The following LRP8 variants were observed in gnomAD, a reference collection of about 807,000 sequenced individuals.
LRP8 encodes the protein LDL receptor related protein 8, also known as low-density lipoprotein receptor-related protein 8.
LRP8 carries 46 observed loss-of-function variants against 111.6 expected under a neutral mutation model. The ratio of observed to expected loss-of-function variants is 0.41; its 90% CI spans 0.33 to 0.53. The LOEUF (loss-of-function observed/expected upper bound fraction) is 0.53, where lower values mean the gene tolerates loss of function less well. Among genes scored for constraint, LRP8 ranks in the 20% least tolerant of loss-of-function variants. The pLI is 0.20. For missense variants in LRP8, 959 were observed against 1,297.4 expected (o/e 0.74, Z 4.01); for synonymous variants, 464 against 511.2 (o/e 0.91, Z 1.24).
At chr1:53,277,898 G>A (rs1646979825) in intron 4 of LRP8, among the ~76,000 whole-genome samples, 1 of 152,210 alleles carries the variant, frequency 6.6e-6, no homozygotes, top group Non-Finnish European at 1.5e-5. Context: ...GCCTGGTACA[G>A]AGCTCCCTGT....
intron 2 of LRP8, among the ~76,000 whole-genome samples, chr1:53,308,155 G>A (rs1012374961): frequency 5.3e-5 from 8 of 152,222 alleles, no homozygotes; most frequent in Admixed American, 3.9e-4. Context: ...AGGTGGGCTC[G>A]GGGCTGCACA....
In LRP8 at chr1:53,309,045, C is replaced by T. The variant is rs535966453; in HGVS notation, c.244+17828G>A. 6.1e-4 allele frequency among the ~76,000 whole-genome samples: 93 copies of T among 152,268 alleles called. 1 individual carries two copies. In the South Asian group the frequency reaches 0.011, roughly 18 times the overall value. On this transcript the variant is annotated intron_variant, in intron 2 of 18. Transcript: ENST00000306052. Reference sequence around the variant, plus strand: ...ATCCCAGCACTTTGGGAGGCTGAGACGGGCAGATCACCTGAGGTCAGGAGT... The same window carrying T: ...ATCCCAGCACTTTGGGAGGCTGAGATGGGCAGATCACCTGAGGTCAGGAGT...
intron 6 of LRP8, among the ~76,000 whole-genome samples, chr1:53,272,959 G>A (rs112922416): frequency 1.3e-5 from 2 of 152,208 alleles, no homozygotes; most frequent in Non-Finnish European, 2.9e-5. Context: ...GGCATGTGTA[G>A]GTGGGATGGC....
rs991478735 is a variant in LRP8, at chr1:53,266,832, C to T, written c.1253-185G>A. 5.1e-6 allele frequency: 3 copies of T among 588,242 alleles called. No individual in the cohort carries two copies. Among genetic ancestry groups the T allele is most frequent in the African/African-American group, 1.9e-5 (1 of 53,766 alleles). 36.4% of individuals were successfully genotyped at this position (588,242 alleles called of 1,614,324 possible). Reference sequence around the variant, plus strand: ...AGTACAGAAAGCAGAAGATGCAGAGCACCACGCATAGCAGGAAGATTCTTA... The same window carrying T: ...AGTACAGAAAGCAGAAGATGCAGAGTACCACGCATAGCAGGAAGATTCTTA... On this transcript the variant is annotated intron_variant, in intron 8 of 18. Coordinates refer to ENST00000306052, the MANE Select transcript of LRP8 (RefSeq NM_004631.5). The surrounding 1 kb of genome is among the most constrained non-coding windows in gnomAD (Gnocchi z 5.0).
At position 53,277,027 on chromosome 1, in the gene LRP8, A is replaced by G. The variant is rs749283967; in HGVS notation, c.548T>C (p.Val183Ala). The G allele has an allele frequency of 1.3e-6, 2 of 1,521,846 alleles. No homozygotes were observed. Among genetic ancestry groups the G allele is most frequent in the Non-Finnish European group, 1.8e-6 (2 of 1,139,516 alleles). 94.3% of individuals were successfully genotyped at this position (1,521,846 alleles called of 1,614,324 possible). Reference sequence around the variant, plus strand: ...GTCGTCGTCGCCGTCGCACACGAACACGGCGGCCAGGCACGAGCGGTTGCC... The same window carrying G: ...GTCGTCGTCGCCGTCGCACACGAACGCGGCGGCCAGGCACGAGCGGTTGCC... ...QCGNRSCLAAVFVCDGDDDCG... is the reference protein window; with the variant it reads ...QCGNRSCLAAAFVCDGDDDCG... The change falls in exon 5 of 19, where the codon GTG (valine) becomes GCG (alanine). Residue 183 changes from valine (V) to alanine (A), a missense_variant. By Grantham distance (64) the Val-to-Ala change is moderately conservative (BLOSUM62 0). Around this residue, in one of 3 missense-constraint regions of LRP8, gnomAD observed 819 missense variants for 1,097.6 expected, o/e 0.75. Transcript: ENST00000306052.
intron 8 of LRP8, among the ~76,000 whole-genome samples, chr1:53,270,221 T>A (rs1646718457): frequency 6.6e-6 from 1 of 152,074 alleles, no homozygotes; most frequent in Admixed American, 6.5e-5. Context: ...CTAGAAAATC[T>A]CACACCTAGA....
At position 53,280,635 on chromosome 1, in the gene LRP8, C is replaced by T. The variant is rs1449020689; in HGVS notation, c.448G>A (p.Gly150Arg). ...KCVPASWRCD[G>R]EKDCEGGADE... ...GCTCCACCCTCGCAGTCCTTCTCCC[C>T]GTCGCAGCGCCACGAGGCAGGTACA... Residue 150 changes from glycine to arginine, a missense_variant, in exon 4 of 19, where the codon GGG becomes AGG. Physicochemically the swap from Gly to Arg is moderately radical, Grantham distance 125. Around this residue, in one of 3 missense-constraint regions of LRP8, gnomAD observed 819 missense variants for 1,097.6 expected, o/e 0.75. Coordinates refer to ENST00000306052, the MANE Select transcript of LRP8 (RefSeq NM_004631.5). 1.7e-5 allele frequency: 27 copies of T among 1,613,390 alleles called. No individual in the cohort carries two copies. The highest frequency in any genetic ancestry group is 1.6e-4 in the Middle Eastern group (1 of 6,084).
chr1:53,274,087 C>T (rs1646843297), intron 6 of LRP8, among the ~76,000 whole-genome samples: 1 of 152,224 alleles, frequency 6.6e-6, no homozygotes, highest in South Asian at 2.1e-4. Flanking sequence ...AGCCTGGAAC[C>T]CACCCTGACA....
Position 53,275,569 on chromosome 1 carries a change from A to G in LRP8, c.1006+62T>C. 2 of 1,593,220 alleles carry G rather than the reference A, an allele frequency of 1.3e-6. No homozygotes were observed. The highest frequency in any genetic ancestry group is 1.7e-6 in the Non-Finnish European group (2 of 1,164,974). ...AACTCCTCCCAACTCTGCCCTCTGG[A>G]GAGTTACCAGAGCCTAGGGCATCCT... On this transcript the variant is annotated intron_variant, in intron 6 of 18. Transcript: ENST00000306052. The surrounding 1 kb of genome is among the most constrained non-coding windows in gnomAD (Gnocchi z 4.4).
Position 53,327,950 on chromosome 1 carries a change from C to G in LRP8, c.-38G>C. On this transcript the variant is annotated 5_prime_UTR_variant, in exon 1 of 19. Coordinates refer to ENST00000306052, the MANE Select transcript of LRP8 (RefSeq NM_004631.5). ...GCTCCGGCCGCCGCGCCCCGCGCTC[C>G]CCGCGCCGCCGCCGCCGCGTCTCAG... 5 of 1,100,514 alleles carry G rather than the reference C, an allele frequency of 4.5e-6. No individual in the cohort carries two copies. Among genetic ancestry groups the G allele is most frequent in the Non-Finnish European group, 5.5e-6 (5 of 906,612 alleles). The allele number at this position is 1,100,514 out of a possible 1,614,324, so 68.2% of individuals were successfully genotyped here.
intron 2 of LRP8, among the ~76,000 whole-genome samples, chr1:53,290,621 C>T (rs369439203): frequency 5.3e-5 from 8 of 152,300 alleles, no homozygotes; most frequent in South Asian, 4.1e-4. Context: ...ATCCCCAGCC[C>T]GGTTCTTTAC....
intron 2 of LRP8, among the ~76,000 whole-genome samples, chr1:53,300,833 G>A (rs1280266001): frequency 1.3e-5 from 2 of 152,212 alleles, no homozygotes; most frequent in African/African-American, 2.4e-5. Context: ...TGGGCCTCGG[G>A]AGCCCTGGCT....
intron 12 of LRP8, among the ~76,000 whole-genome samples, chr1:53,261,269 C>T (rs1446767090): frequency 6.6e-6 from 1 of 152,246 alleles, no homozygotes; most frequent in Non-Finnish European, 1.5e-5. Flanking sequence ...CATACACATA[C>T]TTTACATGTA....
At chr1:53,251,581 G>A (rs1645896964) in intron 16 of LRP8, among the ~76,000 whole-genome samples, 1 of 150,178 alleles carries the variant, frequency 6.7e-6, no homozygotes, top group South Asian at 2.1e-4. Context: ...TCCCAGTGGA[G>A]GCTGAATGAT....
intron 2 of LRP8, among the ~76,000 whole-genome samples, chr1:53,323,731 C>T (rs1283254322): frequency 6.6e-6 from 1 of 152,268 alleles, no homozygotes; most frequent in Non-Finnish European, 1.5e-5. Flanking sequence ...ACTTAGAAGG[C>T]CTCAGTTTGA....
chr1:53,277,217 C>G, intron 4 of LRP8, 139 bp from the exon 5 acceptor site: 1 of 1,262,216 alleles, frequency 7.9e-7, no homozygotes, highest in Admixed American at 4.0e-5. Flanking sequence ...GGTGGACGTG[C>G]AGTTAGGCAT....
chr1:53,250,693 A>C lies in LRP8; in HGVS notation c.2673T>G (p.Pro891=), dbSNP rs1157171503. Residue 891 remains proline (P), a synonymous_variant, in exon 17 of 19, where the codon CCT becomes CCG. Coordinates refer to ENST00000306052, the MANE Select transcript of LRP8 (RefSeq NM_004631.5). The surrounding 1 kb of genome is among the most constrained non-coding windows in gnomAD (Gnocchi z 4.6). The part of the protein sequence containing the change: ...GRTAQIGHVY[P]AAISSFDRPL... ...TCTCCCAGTGAGAAATACTTACTGC[A>C]GGATAGACATGGCCAATCTGAGCAG... The C allele has an allele frequency of 9.9e-6, 16 of 1,613,722 alleles. No individual in the cohort carries two copies. The East Asian group carries it at 3.6e-4, about 36-fold the overall frequency.
chr1:53,304,251 CTGTT>C (rs550618793), intron 2 of LRP8, among the ~76,000 whole-genome samples: 1 of 152,168 alleles, frequency 6.6e-6, no homozygotes, highest in Non-Finnish European at 1.5e-5. Flanking sequence ...CTGGATTAGA[CTGTT>C]TGTTTGCCCT....
intron 16 of LRP8, 39 bp downstream of exon 16, chr1:53,255,078 G>A (rs767298303): frequency 1.2e-6 from 2 of 1,605,640 alleles, no homozygotes; most frequent in Non-Finnish European, 1.7e-6. Flanking sequence ...CCTAAGCAGG[G>A]TCTCTCTTTT....
Sources: allele counts gnomAD v4.1 joint callset (sites outside exome capture counted in the v4.1 genomes callset), GRCh38; gene constraint gnomAD v4.1.1; regional missense constraint gnomAD v4.1.1; non-coding constraint Gnocchi (gnomAD v3.1); transcripts MANE v1.5; gene names NCBI Gene and HGNC (gene_info 2026-07-23, HGNC 2026-07-21).